EML6: variants seen among roughly 807,000 people sequenced by gnomAD.
EML6 encodes EMAP like 6.
In EML6, 154 loss-of-function variants were observed where a neutral mutation model predicts 240.1. That is an observed-to-expected ratio of 0.64 (90% CI 0.56 to 0.73). The LOEUF (loss-of-function observed/expected upper bound fraction) is 0.73, where lower values mean the gene tolerates loss of function less well. Ranked by LOEUF, EML6 falls within the 30% of genes least tolerant of loss-of-function variation. The pLI, the probability that EML6 is intolerant of heterozygous loss-of-function variation, is 0.00. For synonymous variants in EML6, 1,148 were observed against 899.0 expected (o/e 1.28, Z -4.95); for missense variants, 2,964 against 2,474.6 (o/e 1.20, Z -4.20).
Position 54,971,721 on chromosome 2 carries a change from T to TGC in EML6, c.*1627_*1628dup, listed in dbSNP as rs751918821. ...GGTGATGCAGAGTGATAACCATGTC[T>TGC]GCCTATCTTGTACTAGACTCTTCAT... On this transcript the variant is annotated 3_prime_UTR_variant, in exon 42 of 42. Coordinates refer to ENST00000356458, the MANE Select transcript of EML6 (RefSeq NM_001039753.4). 1 of 152,244 alleles carries TGC rather than the reference T, an allele frequency of 6.6e-6. No individual in the cohort carries two copies. Among genetic ancestry groups the TGC allele is most frequent in the Non-Finnish European group, 1.5e-5 (1 of 68,044 alleles). The allele number at this position is 152,244 out of a possible 1,614,324, so 9.4% of individuals were successfully genotyped here. A position where few individuals can be genotyped will look rare whatever the true frequency, so the allele number is the denominator to read the frequency against.
At chr2:54,959,323 A>G (rs1676386098) in intron 34 of EML6, 62 bp downstream of exon 34, 2 of 1,438,972 alleles carry the variant, frequency 1.4e-6, no homozygotes, top group African/African-American at 1.4e-5. Context: ...GAAACTGACA[A>G]AAGTGTTCCC....
At chr2:54,902,893 G>C in intron 22 of EML6, 151 bp from the exon 23 acceptor site, 2 of 677,468 alleles carry the variant, frequency 3.0e-6, no homozygotes, top group Non-Finnish European at 2.5e-6. Flanking sequence ...TCTTAAATTA[G>C]GAAGTTTTAG....
At chr2:54,726,733 G>A (rs1682925336) in intron 2 of EML6, among the ~76,000 whole-genome samples, 1 of 152,096 alleles carries the variant, frequency 6.6e-6, no homozygotes, top group Admixed American at 6.5e-5. Context: ...AAAGTTACAG[G>A]TGCAAATGAT....
chr2:54,871,063 C>T (rs1341314120), intron 15 of EML6, among the ~76,000 whole-genome samples: 1 of 152,078 alleles, frequency 6.6e-6, no homozygotes, highest in Non-Finnish European at 1.5e-5. Flanking sequence ...GGGGGAGAAG[C>T]GGGGCCAGGC....
intron 28 of EML6, among the ~76,000 whole-genome samples, chr2:54,945,617 C>T (rs932398738): frequency 3.9e-5 from 6 of 152,136 alleles, no homozygotes; most frequent in Admixed American, 1.3e-4. Context: ...CTCGTGACCT[C>T]AGTGGTTTCA....
intron 17 of EML6, among the ~76,000 whole-genome samples, chr2:54,887,805 TAGAG>T (rs1211515416): frequency 1.3e-5 from 2 of 152,138 alleles, no homozygotes; most frequent in African/African-American, 4.8e-5. Flanking sequence ...GAGCAGAAAG[TAGAG>T]AGAGTTCCCA....
intron 17 of EML6, among the ~76,000 whole-genome samples, chr2:54,883,751 C>G (rs566254342): frequency 6.6e-6 from 1 of 152,314 alleles, no homozygotes; most frequent in Non-Finnish European, 1.5e-5. Flanking sequence ...CACACCTACA[C>G]TTGCAGGCAA....
chr2:54,738,088 A>T (rs1683476563), intron 2 of EML6, among the ~76,000 whole-genome samples: 1 of 151,962 alleles, frequency 6.6e-6, no homozygotes, highest in East Asian at 1.9e-4. Flanking sequence ...CTTCTCTAAC[A>T]CATTCCTTAT....
At chr2:54,727,209 T>C (rs1278332460) in intron 2 of EML6, among the ~76,000 whole-genome samples, 1 of 151,238 alleles carries the variant, frequency 6.6e-6, no homozygotes, top group Non-Finnish European at 1.5e-5. Context: ...GCATCTGATC[T>C]ATTCATTAAG....
intron 2 of EML6, among the ~76,000 whole-genome samples, chr2:54,756,634 A>G (rs1159129992): frequency 1.3e-5 from 2 of 150,334 alleles, no homozygotes; most frequent in Non-Finnish European, 2.9e-5. Flanking sequence ...TGTTCTCAGG[A>G]GCATTTTTTT....
intron 2 of EML6, among the ~76,000 whole-genome samples, chr2:54,781,836 A>T (rs182716623): frequency 6.6e-6 from 1 of 151,914 alleles, no homozygotes; most frequent in African/African-American, 2.4e-5. Context: ...CGTCCCACTA[A>T]TTTTTTTATT....
chr2:54,875,584 A>T (rs1205128600), intron 16 of EML6, among the ~76,000 whole-genome samples: 1 of 152,216 alleles, frequency 6.6e-6, no homozygotes, highest in Non-Finnish European at 1.5e-5. Flanking sequence ...AAGCACAGTT[A>T]TGTGTGAGGA....
chr2:54,848,472 A>T (rs1669889126), intron 9 of EML6, among the ~76,000 whole-genome samples: 1 of 149,966 alleles, frequency 6.7e-6, no homozygotes, highest in African/African-American at 2.4e-5. Flanking sequence ...ACGTGTGAAA[A>T]GATGGCTGAG....
intron 13 of EML6, among the ~76,000 whole-genome samples, chr2:54,866,055 G>C (rs2103878698): frequency 6.6e-6 from 1 of 152,244 alleles, no homozygotes; most frequent in African/African-American, 2.4e-5. Context: ...GAGTTCTTCT[G>C]ACCTTTTACA....
chr2:54,851,076 G>A (rs1300647560), intron 10 of EML6, among the ~76,000 whole-genome samples: 1 of 152,174 alleles, frequency 6.6e-6, no homozygotes, highest in East Asian at 1.9e-4. Context: ...CATTCAGGAT[G>A]TTGGTTACCG....
At chr2:54,903,616 C>G (rs978442855) in intron 24 of EML6, 114 bp downstream of exon 24, 2 of 607,530 alleles carry the variant, frequency 3.3e-6, no homozygotes, top group African/African-American at 3.8e-5. Context: ...AGGGGAATCC[C>G]ACAACAATAT....
intron 2 of EML6, among the ~76,000 whole-genome samples, chr2:54,797,055 C>T (rs1669824510): frequency 2.0e-5 from 3 of 150,304 alleles, no homozygotes; most frequent in African/African-American, 7.3e-5. Context: ...GTCCCAGCTG[C>T]TCAGGAGGCT....
intron 5 of EML6, among the ~76,000 whole-genome samples, chr2:54,823,868 C>CTCTCTCTCTT (rs1360424940): frequency 6.8e-6 from 1 of 148,128 alleles, no homozygotes; most frequent in African/African-American, 2.6e-5. Flanking sequence ...CTCTCTCTCT[C>CTCTCTCTCTT]TCTCTCTCTT....
intron 2 of EML6, among the ~76,000 whole-genome samples, chr2:54,776,804 T>C (rs1572883706): frequency 6.6e-6 from 1 of 152,066 alleles, no homozygotes; most frequent in African/African-American, 2.4e-5. Context: ...TGAAAGCTAA[T>C]ACTGATACCT....
Sources: gnomAD v4.1 joint callset for allele counts (sites outside exome capture counted in the v4.1 genomes callset) on GRCh38, gnomAD v4.1.1 for gene constraint, MANE v1.5 for transcripts, NCBI Gene and HGNC (gene_info 2026-07-23, HGNC 2026-07-21) for gene names.